RALGPS1: variants seen among roughly 807,000 people sequenced by gnomAD.
RALGPS1 encodes the protein Ral GEF with PH domain and SH3 binding motif 1.
A neutral mutation model predicts 78.8 loss-of-function variants in RALGPS1; 19 were observed. The ratio of observed to expected loss-of-function variants is 0.24; its 90% confidence interval spans 0.17 to 0.35. The LOEUF is 0.35. Ranked by LOEUF, RALGPS1 falls within the 10% of genes least tolerant of loss-of-function variation. The pLI is 1.00. For missense variants in RALGPS1, 454 were observed against 688.3 expected (o/e 0.66, Z 3.81); for synonymous variants, 228 against 256.3 (o/e 0.89, Z 1.06).
At chr9:127,067,012 A>G (rs1056065186) in intron 7 of RALGPS1, among the ~76,000 whole-genome samples, 1 of 152,074 alleles carries the variant, frequency 6.6e-6, no homozygotes, top group African/African-American at 2.4e-5. Context: ...TTGCTATACT[A>G]TATCTCTCTC....
intron 2 of RALGPS1, among the ~76,000 whole-genome samples, chr9:126,965,467 A>G (rs2039387343): frequency 6.6e-6 from 1 of 152,026 alleles, no homozygotes; most frequent in Admixed American, 6.5e-5. Context: ...CCACTAAACC[A>G]CTGGCCAGAG....
chr9:127,033,212 G>T (rs1373036621), intron 4 of RALGPS1, among the ~76,000 whole-genome samples: 1 of 152,204 alleles, frequency 6.6e-6, no homozygotes, highest in African/African-American at 2.4e-5. Flanking sequence ...GCACCAGGAG[G>T]AGGTGTCTCG....
At chr9:126,979,651 G>A (rs1433785349) in intron 4 of RALGPS1, among the ~76,000 whole-genome samples, 1 of 152,196 alleles carries the variant, frequency 6.6e-6, no homozygotes, top group African/African-American at 2.4e-5. Context: ...GCGGGTGGGG[G>A]CTTCTTCCTC....
chr9:126,962,154 A>G, intron 1 of RALGPS1, 71 bp from the exon 2 acceptor site: 2 of 780,014 alleles, frequency 2.6e-6, no homozygotes, highest in South Asian at 3.3e-5. Flanking sequence ...CAAGTCTGGT[A>G]CAACTTTTGC....
At position 126,954,905 on chromosome 9, in the gene RALGPS1, G is replaced by C. The variant is rs116863113; in HGVS notation, c.-65-7320G>C. Among the ~76,000 whole-genome samples the C allele has an allele frequency of 9.4e-4, 143 of 152,312 alleles. 1 individual carries two copies. In the East Asian group the frequency reaches 0.027, roughly 29 times the overall value. ...CAAGGCCATTCATGCCCTGGCCCCA[G>C]CCTGTCTGTCGACTGCTTCCAGGTG... On this transcript the variant is annotated intron_variant, in intron 1 of 18. Coordinates refer to ENST00000259351, the MANE Select transcript of RALGPS1 (RefSeq NM_014636.3).
chr9:127,061,055 TGA>T (rs1314314407), intron 7 of RALGPS1, among the ~76,000 whole-genome samples: 1 of 152,244 alleles, frequency 6.6e-6, no homozygotes, highest in Non-Finnish European at 1.5e-5. Flanking sequence ...TGAGTGTTTC[TGA>T]GAGAGACTTG....
intron 8 of RALGPS1, among the ~76,000 whole-genome samples, chr9:127,126,004 G>C (rs991296573): frequency 1.3e-5 from 2 of 152,028 alleles, no homozygotes; most frequent in Non-Finnish European, 2.9e-5. Context: ...AGGAGCGGTG[G>C]GTCAGGGGAT....
intron 8 of RALGPS1, among the ~76,000 whole-genome samples, chr9:127,157,285 A>G (rs1044906599): frequency 2.0e-5 from 3 of 152,064 alleles, no homozygotes; most frequent in African/African-American, 7.2e-5. Context: ...AGAATATTAT[A>G]TATTTCCTTA....
chr9:127,167,926 G>A (rs1446783311), intron 9 of RALGPS1, among the ~76,000 whole-genome samples: 3 of 152,244 alleles, frequency 2.0e-5, no homozygotes, highest in African/African-American at 7.2e-5. Context: ...AGTCCCTCCA[G>A]AAACGGGCAA....
chr9:127,155,058 A>G (rs1016966959), intron 8 of RALGPS1, among the ~76,000 whole-genome samples: 7 of 152,252 alleles, frequency 4.6e-5, no homozygotes, highest in African/African-American at 1.7e-4. Context: ...ACTCTGAGAA[A>G]TATGAGTATT....
At chr9:126,924,727 G>A (rs1453747714) in intron 1 of RALGPS1, among the ~76,000 whole-genome samples, 2 of 152,174 alleles carry the variant, frequency 1.3e-5, no homozygotes, top group African/African-American at 2.4e-5. Context: ...CCTGTCCTCC[G>A]TAACTACTTG....
chr9:126,952,697 C>CTGTG (rs1278918892), intron 1 of RALGPS1, among the ~76,000 whole-genome samples: 2 of 113,816 alleles, frequency 1.8e-5, no homozygotes, highest in Non-Finnish European at 2.1e-5. Flanking sequence ...GTCTGTGTGT[C>CTGTG]TGTGCGCATG....
At chr9:127,073,811 T>C (rs1444379467) in intron 8 of RALGPS1, among the ~76,000 whole-genome samples, 2 of 152,172 alleles carry the variant, frequency 1.3e-5, no homozygotes, top group Non-Finnish European at 1.5e-5. Context: ...CGATATCTCA[T>C]TGTGGTTTTG....
Position 127,099,024 on chromosome 9 carries a change from C to T in RALGPS1, c.610+29668C>T, listed in dbSNP as rs1465233076. 3.9e-5 allele frequency among the ~76,000 whole-genome samples: 6 copies of T among 152,176 alleles called. No homozygotes were observed. In the East Asian group the frequency reaches 9.6e-4, roughly 24 times the overall value. ...GCTGGGAGCTAAGCAGTGAGGCCTC[C>T]GTGGGCAAGAGGGATGCCTCTTCTC... On this transcript the variant is annotated intron_variant, in intron 8 of 18. Transcript: ENST00000259351.
chr9:127,158,278 G>C (rs2058816073), intron 8 of RALGPS1, among the ~76,000 whole-genome samples: 1 of 151,804 alleles, frequency 6.6e-6, no homozygotes, highest in Non-Finnish European at 1.5e-5. Flanking sequence ...GCGATTAAAA[G>C]TAATGGCAAT....
At chr9:127,119,711 G>A (rs2055843665) in intron 8 of RALGPS1, among the ~76,000 whole-genome samples, 2 of 152,194 alleles carry the variant, frequency 1.3e-5, no homozygotes, top group South Asian at 4.1e-4. Flanking sequence ...CTCTGCCCGT[G>A]AGCTTCAGCA....
In RALGPS1 at chr9:127,205,033, C is replaced by T. The variant is rs781427408; in HGVS notation, c.1247+5967C>T. Reference sequence around the variant, plus strand: ...CAGTGGCCATTCTCAGGGTGACTACCGCAGAGGACCTCACTGTCCCCCACA... The same window carrying T: ...CAGTGGCCATTCTCAGGGTGACTACTGCAGAGGACCTCACTGTCCCCCACA... On this transcript the variant is annotated intron_variant, in intron 14 of 18. Transcript: ENST00000259351. The surrounding 1 kb of genome is among the most constrained non-coding windows in gnomAD (Gnocchi z 4.0). Among the ~76,000 whole-genome samples the T allele has an allele frequency of 6.6e-6, 1 of 152,202 alleles. No individual in the cohort carries two copies. Among genetic ancestry groups the T allele is most frequent in the African/African-American group, 2.4e-5 (1 of 41,444 alleles).
At chr9:126,920,707 C>A (rs961277869) in intron 1 of RALGPS1, among the ~76,000 whole-genome samples, 1 of 152,208 alleles carries the variant, frequency 6.6e-6, no homozygotes, top group Non-Finnish European at 1.5e-5. Flanking sequence ...CCTTGCTGGG[C>A]TCTTGCTTTG....
chr9:127,215,766 G>T (rs776997841), intron 18 of RALGPS1, among the ~76,000 whole-genome samples: 2 of 152,220 alleles, frequency 1.3e-5, no homozygotes, highest in Non-Finnish European at 2.9e-5. Flanking sequence ...GGGGCGGGCT[G>T]AAGCCTCCTG....
Sources: gnomAD v4.1 joint callset for allele counts (sites outside exome capture counted in the v4.1 genomes callset) on GRCh38, gnomAD v4.1.1 for gene constraint, Gnocchi (gnomAD v3.1) non-coding constraint, MANE v1.5 for transcripts, NCBI Gene and HGNC (gene_info 2026-07-23, HGNC 2026-07-21) for gene names.